Variants in ARHGEF3 observed in about 807,000 individuals in gnomAD.
The protein encoded by ARHGEF3 is Rho guanine nucleotide exchange factor 3.
Under a neutral mutation model 63.2 loss-of-function variants are expected in ARHGEF3, and 28 were observed. That is an observed-to-expected ratio of 0.44 (90% confidence interval 0.33 to 0.61). The LOEUF (loss-of-function observed/expected upper bound fraction) is 0.61. Among genes scored for constraint, ARHGEF3 ranks in the 20% least tolerant of loss-of-function variants. ARHGEF3 has a pLI of 0.03. For synonymous variants in ARHGEF3, 266 were observed against 254.2 expected (o/e 1.05, Z -0.44); for missense variants, 533 against 659.3 (o/e 0.81, Z 2.10).
At chr3:56,781,926 G>A (rs1159702443) in intron 1 of ARHGEF3, among the ~76,000 whole-genome samples, 1 of 152,144 alleles carries the variant, frequency 6.6e-6, no homozygotes, top group African/African-American at 2.4e-5. Context: ...GGAAGGAGCA[G>A]GTGGGGTGGC....
intron 4 of ARHGEF3, among the ~76,000 whole-genome samples, chr3:56,752,522 T>C (rs1340506476): frequency 6.6e-6 from 1 of 152,210 alleles, no homozygotes; most frequent in Non-Finnish European, 1.5e-5. Context: ...AAATGTTATG[T>C]AAGAATAAAC....
Position 56,934,348 on chromosome 3 carries a change from G to C in ARHGEF3, c.129+24475C>G, listed in dbSNP as rs545334375. Among the ~76,000 whole-genome samples the C allele has an allele frequency of 8.5e-5, 13 of 152,356 alleles. No individual in the cohort carries two copies. In the East Asian group the frequency reaches 2.1e-3, roughly 25 times the overall value. ...CTTGCTCTTGGCACCTCCTCTGCCT[G>C]GGCTCCCACTTTGGCAGCATTTGAG... On this transcript the variant is annotated intron_variant, in intron 3 of 12. Transcript: ENST00000338458.
rs770236685 is a variant in ARHGEF3, at chr3:56,745,475, C to T, written c.613-13G>A. On this transcript the variant is annotated splice_polypyrimidine_tract_variant and intron_variant, in intron 6 of 9. Transcript: ENST00000296315. Reference sequence around the variant, plus strand: ...TGAGGCAAGGGAGCTAAGAAGGAAACAGAAAGAGAAGGTTGGAATGTCAAA... The same window carrying T: ...TGAGGCAAGGGAGCTAAGAAGGAAATAGAAAGAGAAGGTTGGAATGTCAAA... 6.2e-7 allele frequency: 1 copy of T among 1,611,108 alleles called. No individual in the cohort carries two copies. The highest frequency in any genetic ancestry group is 1.1e-5 in the South Asian group (1 of 90,784).
chr3:56,740,635 A>C (rs1363910882), intron 7 of ARHGEF3, among the ~76,000 whole-genome samples: 2 of 152,236 alleles, frequency 1.3e-5, no homozygotes, highest in African/African-American at 4.8e-5. Context: ...AGAAGCTTAA[A>C]ACAAATGGGA....
intron 4 of ARHGEF3, among the ~76,000 whole-genome samples, chr3:56,821,962 C>A (rs1578602889): frequency 4.2e-5 from 5 of 118,882 alleles, no homozygotes; most frequent in Admixed American, 9.1e-5. Flanking sequence ...GACTCTGTCT[C>A]GAGAAGAGAA....
intron 4 of ARHGEF3, among the ~76,000 whole-genome samples, chr3:56,829,200 A>T (rs189321806): frequency 2.6e-5 from 4 of 152,264 alleles, no homozygotes; most frequent in Admixed American, 2.0e-4. Flanking sequence ...TGCTGGGATT[A>T]CAGGCATGAG....
chr3:56,938,901 T>C (rs1179336325), intron 3 of ARHGEF3: 1 of 152,208 alleles, frequency 6.6e-6, no homozygotes, highest in African/African-American at 2.4e-5. Context: ...AGATAGGACA[T>C]TTGGACATTG....
intron 2 of ARHGEF3, among the ~76,000 whole-genome samples, chr3:56,990,789 C>G (rs1036262165): frequency 1.3e-5 from 2 of 152,116 alleles, no homozygotes; most frequent in Non-Finnish European, 2.9e-5. Context: ...TAAGGGTCAC[C>G]CAGCTCATGA....
At chr3:56,758,597 G>A (rs1005005629) in intron 2 of ARHGEF3, among the ~76,000 whole-genome samples, 1 of 152,140 alleles carries the variant, frequency 6.6e-6, no homozygotes, top group African/African-American at 2.4e-5. Flanking sequence ...GGGTGCTCCT[G>A]GGCTCACTAA....
intron 3 of ARHGEF3, among the ~76,000 whole-genome samples, chr3:56,902,806 C>G (rs1277870607): frequency 6.6e-6 from 1 of 152,128 alleles, no homozygotes; most frequent in South Asian, 2.1e-4. Flanking sequence ...CACTTGTGTG[C>G]CCAAAGCCTT....
intron 4 of ARHGEF3, among the ~76,000 whole-genome samples, chr3:56,852,286 G>A (rs1195358959): frequency 3.3e-5 from 5 of 152,156 alleles, no homozygotes; most frequent in South Asian, 2.1e-4. Context: ...CTGCATGTTC[G>A]AACGTATTTT....
In ARHGEF3 at chr3:57,002,476, A is replaced by ATATGCCAGGCAC. The variant is rs1560122682; in HGVS notation, c.62+32611_62+32612insGTGCCTGGCATA. Among the ~76,000 whole-genome samples the ATATGCCAGGCAC allele has an allele frequency of 1.0e-3, 36 of 35,302 alleles. 10 individuals carry two copies. In the South Asian group the frequency reaches 0.022, roughly 22 times the overall value. 23.2% of individuals were successfully genotyped at this position (35,302 alleles called of 152,430 possible). ...TGTTCTAAGCACTATATATATATAT[A>ATATGCCAGGCAC]TGTTATATATATATATATATGTTAT... On this transcript the variant is annotated intron_variant, in intron 2 of 12. Transcript: ENST00000338458.
intron 2 of ARHGEF3, among the ~76,000 whole-genome samples, chr3:56,983,631 A>C (rs538023981): frequency 6.6e-6 from 1 of 152,292 alleles, no homozygotes; most frequent in South Asian, 2.1e-4. Context: ...GGTCAGGTTC[A>C]TGTCTCCTTT....
intron 8 of ARHGEF3, among the ~76,000 whole-genome samples, chr3:56,734,808 A>G (rs2033487024): frequency 6.6e-6 from 1 of 152,226 alleles, no homozygotes; most frequent in Non-Finnish European, 1.5e-5. Context: ...AAAACAGGAT[A>G]AAGCACAAAA....
rs550490615 is a variant in ARHGEF3, at chr3:56,752,323, G to A, written c.439-927C>T. Among the ~76,000 whole-genome samples, 5 of 152,296 alleles carry A rather than the reference G, an allele frequency of 3.3e-5. No individual in the cohort carries two copies. In the East Asian group the frequency reaches 7.7e-4, roughly 24 times the overall value. ...TCCTTCTGCCTCAGCTTCCCAAAGT[G>A]TCGGGATTATAGGTGTGAGCCACCG... On this transcript the variant is annotated intron_variant, in intron 4 of 9. Coordinates refer to ENST00000296315, the MANE Select transcript of ARHGEF3 (RefSeq NM_019555.3).
Position 56,744,002 on chromosome 3 carries a change from C to CA in ARHGEF3, c.870+1202dup, listed in dbSNP as rs781545405. ...AGCTACTTAGAAACCAACCAACAAA[C>CA]AAAAAAAAAACTTCAATTAATTGCA... On this transcript the variant is annotated intron_variant, in intron 7 of 9. Coordinates refer to ENST00000296315, the MANE Select transcript of ARHGEF3 (RefSeq NM_019555.3). Among the ~76,000 whole-genome samples the CA allele has an allele frequency of 3.3e-3, 493 of 147,558 alleles. 1 individual carries two copies. Among genetic ancestry groups the CA allele is most frequent in the African/African-American group, 0.012 (465 of 40,334 alleles).
At chr3:56,799,774 C>T (rs2037549359) in intron 1 of ARHGEF3, among the ~76,000 whole-genome samples, 1 of 152,180 alleles carries the variant, frequency 6.6e-6, no homozygotes, top group Non-Finnish European at 1.5e-5. Flanking sequence ...TTTCCATTAT[C>T]AGGAAGTGAT....
At chr3:56,779,615 CCTGCTT>C (rs2107867350) in intron 1 of ARHGEF3, among the ~76,000 whole-genome samples, 1 of 152,212 alleles carries the variant, frequency 6.6e-6, no homozygotes, top group African/African-American at 2.4e-5. Flanking sequence ...TTCTTTAATT[CCTGCTT>C]CTGCCTCTTC....
intron 2 of ARHGEF3, among the ~76,000 whole-genome samples, chr3:56,988,807 T>C (rs564932990): frequency 1.1e-4 from 16 of 152,320 alleles, no homozygotes; most frequent in South Asian, 2.1e-4. Flanking sequence ...CAACAGTATG[T>C]GCCCATCTGG....
Sources: gnomAD v4.1 joint callset for allele counts (sites outside exome capture counted in the v4.1 genomes callset) on GRCh38, gnomAD v4.1.1 for gene constraint, MANE v1.5 for transcripts, NCBI Gene and HGNC (gene_info 2026-07-23, HGNC 2026-07-21) for gene names.